MATN3: variants seen among roughly 807,000 people sequenced by gnomAD.
The protein encoded by MATN3 is matrilin-3.
MATN3 carries 48 observed loss-of-function variants against 45.3 expected under a neutral mutation model. The observed-to-expected ratio is 1.06, with a 90% CI of 0.84 to 1.35. The LOEUF (loss-of-function observed/expected upper bound fraction) is 1.35. MATN3 is among the 40% of genes most tolerant of loss of function. The pLI, the probability that MATN3 is intolerant of heterozygous loss-of-function variation, is 0.00. For missense variants in MATN3, 599 were observed against 628.0 expected (o/e 0.95, Z 0.49); for synonymous variants, 217 against 245.9 (o/e 0.88, Z 1.10).
chr2:20,002,974 TTATC>T (rs1259281036), intron 3 of MATN3, among the ~76,000 whole-genome samples, 183 bp downstream of exon 3: 1 of 152,140 alleles, frequency 6.6e-6, no homozygotes, highest in African/African-American at 2.4e-5. Context: ...ATAAGCTGAT[TTATC>T]TATCATTTCA....
In MATN3 at chr2:19,997,141, T is replaced by C. The variant is rs992072113; in HGVS notation, c.1287A>G (p.Thr429=). The change falls in exon 6 of 8, where the codon ACA becomes ACG. Residue 429 remains threonine, a synonymous_variant. Transcript: ENST00000407540. ...TAAAGGGCTGATCCTCACCTGAACA[T>C]GTTTTCTTGTCCTCATTTAAGGTGT... ...PGYTLNEDKK[T]CSATEEARRL... is the part of the protein sequence containing the mutation. 3.7e-6 allele frequency: 6 copies of C among 1,613,608 alleles called. No individual in the cohort carries two copies. Among genetic ancestry groups the C allele is most frequent in the Middle Eastern group, 1.6e-4 (1 of 6,082 alleles).
Position 20,002,055 on chromosome 2 carries a change from G to A in MATN3, c.942C>T (p.Thr314=). Residue 314 remains threonine (T), a synonymous_variant, in exon 4 of 8, where the codon ACC becomes ACT. Transcript: ENST00000407540. The stretch of plus-strand genomic sequence containing the variant: ...TCACACAGATGTGCTCACATCCGTG[G>A]GTGTTAAGAGCACACCTATCAAGAG... ...CSALDRCALN[T]HGCEHICVND... is the part of the protein sequence containing the mutation. 1.2e-5 allele frequency: 20 copies of A among 1,612,724 alleles called. No homozygotes were observed. Among genetic ancestry groups the A allele is most frequent in the Non-Finnish European group, 1.7e-5 (20 of 1,179,210 alleles).
rs756066766 is a variant in MATN3 at position 19,992,873 on chromosome 2, T to C, written c.*238A>G. The C allele has an allele frequency of 6.0e-5, 29 of 485,118 alleles. No homozygotes were observed. Among genetic ancestry groups the C allele is most frequent in the Non-Finnish European group, 1.0e-4 (29 of 278,318 alleles). 30.1% of individuals were successfully genotyped at this position (485,118 alleles called of 1,614,324 possible). On this transcript the variant is annotated 3_prime_UTR_variant, in exon 8 of 8. Coordinates refer to ENST00000407540, the MANE Select transcript of MATN3 (RefSeq NM_002381.5). Reference sequence around the variant, plus strand: ...CTATTTCCTACCAATCATTTCACAGTCATAACTTAGAGACACTAAAGTTTG... The same window carrying C: ...CTATTTCCTACCAATCATTTCACAGCCATAACTTAGAGACACTAAAGTTTG...
At chr2:20,007,284 T>C (rs1461642951) in intron 1 of MATN3, among the ~76,000 whole-genome samples, 1 of 151,910 alleles carries the variant, frequency 6.6e-6, no homozygotes, top group African/African-American at 2.4e-5. Context: ...ATCCCAACAC[T>C]GTGGGAGGCC....
chr2:20,011,621 A>C (rs1673220896), intron 1 of MATN3, among the ~76,000 whole-genome samples: 1 of 152,228 alleles, frequency 6.6e-6, no homozygotes, highest in South Asian at 2.1e-4. Flanking sequence ...TTGGAAATGA[A>C]GATACAATCT....
intron 5 of MATN3, among the ~76,000 whole-genome samples, chr2:19,998,621 G>C (rs1016730661): frequency 2.6e-5 from 4 of 152,058 alleles, no homozygotes; most frequent in African/African-American, 9.7e-5. Flanking sequence ...GCCAGGTGTG[G>C]TGGCATGTGC....
chr2:20,005,718 T>C (rs770303469), intron 2 of MATN3, 26 bp downstream of exon 2: 13 of 1,514,586 alleles, frequency 8.6e-6, no homozygotes, highest in South Asian at 1.2e-5. Flanking sequence ...TCCTTTCTAG[T>C]TGGAAGCAAA....
chr2:20,003,077 A>G (rs1572384210), intron 3 of MATN3, 84 bp downstream of exon 3: 1 of 1,521,126 alleles, frequency 6.6e-7, no homozygotes, highest in East Asian at 2.3e-5. Context: ...GGGGTCAGAG[A>G]GTCAAAGCAC....
At chr2:20,002,984 T>A (rs1286802296) in intron 3 of MATN3, among the ~76,000 whole-genome samples, 177 bp downstream of exon 3, 10 of 152,180 alleles carry the variant, frequency 6.6e-5, no homozygotes, top group Non-Finnish European at 1.3e-4. Flanking sequence ...TTATCTATCA[T>A]TTCACTTTTC....
At chr2:20,000,596 A>C (rs1672965939) in intron 4 of MATN3, 30 bp from the exon 5 acceptor site, 1 of 1,597,422 alleles carries the variant, frequency 6.3e-7, no homozygotes, top group African/African-American at 1.3e-5. Flanking sequence ...GAGAAAAGAA[A>C]TAGAAGGTGG....
Position 20,012,162 on chromosome 2 carries a change from G to A in MATN3, c.223+247C>T, listed in dbSNP as rs1673230140. On this transcript the variant is annotated intron_variant, in intron 1 of 7. Transcript: ENST00000407540. This position sits in a 1 kb window ranked among gnomAD's most constrained non-coding sequence, Gnocchi z 4.3. ...CCCCTGCGCTCCCCAGCTGCCCTGTGCTCCTGGCCGAATCACAGGGGAGTG... is the reference window on the plus strand; with the variant it reads ...CCCCTGCGCTCCCCAGCTGCCCTGTACTCCTGGCCGAATCACAGGGGAGTG... Among the ~76,000 whole-genome samples the A allele has an allele frequency of 6.6e-6, 1 of 152,220 alleles. No homozygotes were observed. Among genetic ancestry groups the A allele is most frequent in the Admixed American group, 6.5e-5 (1 of 15,290 alleles).
At chr2:19,993,537 A>T (rs1672799735) in intron 7 of MATN3, among the ~76,000 whole-genome samples, 1 of 152,326 alleles carries the variant, frequency 6.6e-6, no homozygotes, top group African/African-American at 2.4e-5. Context: ...ACCTTAGTAG[A>T]TCTAGGGTAA....
At position 19,995,121 on chromosome 2, in the gene MATN3, A is replaced by C. The variant is rs1250342936; in HGVS notation, c.1295-712T>G. Among the ~76,000 whole-genome samples, 1 of 151,808 alleles carries C rather than the reference A, an allele frequency of 6.6e-6. No homozygotes were observed. Among genetic ancestry groups the C allele is most frequent in the African/African-American group, 2.4e-5 (1 of 41,290 alleles). ...ATAAATAAATAAAAATAAAACTAGGACAATAGTCCTCTATTTGTATGGCTA... is the reference window on the plus strand; with the variant it reads ...ATAAATAAATAAAAATAAAACTAGGCCAATAGTCCTCTATTTGTATGGCTA... On this transcript the variant is annotated intron_variant, in intron 6 of 7. Transcript: ENST00000407540. The surrounding 1 kb of genome is among the most constrained non-coding windows in gnomAD (Gnocchi z 4.2).
rs968574580 is a variant in MATN3, at chr2:20,012,145, C to T, written c.223+264G>A. ...CAGCCGCTGGGCAGCAGCCCCTGCG[C>T]TCCCCAGCTGCCCTGTGCTCCTGGC... On this transcript the variant is annotated intron_variant, in intron 1 of 7. Transcript: ENST00000407540. The surrounding 1 kb of genome is among the most constrained non-coding windows in gnomAD (Gnocchi z 4.3). Among the ~76,000 whole-genome samples the T allele has an allele frequency of 1.3e-5, 2 of 152,226 alleles. No individual in the cohort carries two copies. The highest frequency in any genetic ancestry group is 4.8e-5 in the African/African-American group (2 of 41,464).
At chr2:20,006,638 C>T (rs1049974297) in intron 1 of MATN3, among the ~76,000 whole-genome samples, 2 of 152,210 alleles carry the variant, frequency 1.3e-5, no homozygotes, top group African/African-American at 4.8e-5. Context: ...TTAATAGATT[C>T]TACACATTTC....
intron 5 of MATN3, among the ~76,000 whole-genome samples, chr2:19,998,731 G>A (rs1194809941): frequency 6.6e-6 from 1 of 151,326 alleles, no homozygotes; most frequent in Admixed American, 6.6e-5. Flanking sequence ...ACTCCAGCCT[G>A]GGTGACAGAA....
chr2:20,007,112 G>A (rs1360827265), intron 1 of MATN3, among the ~76,000 whole-genome samples: 2 of 152,198 alleles, frequency 1.3e-5, no homozygotes, highest in Non-Finnish European at 2.9e-5. Flanking sequence ...GGAGACTGAG[G>A]CAGGAGAATG....
chr2:20,007,010 G>A (rs565241527), intron 1 of MATN3, among the ~76,000 whole-genome samples: 1 of 152,154 alleles, frequency 6.6e-6, no homozygotes, highest in Non-Finnish European at 1.5e-5. Context: ...GAGGTCAGGA[G>A]ATCAAGACCA....
At position 20,005,906 on chromosome 2, in the gene MATN3, C is replaced by G; in HGVS notation, c.628G>C (p.Ala210Pro). The change falls in exon 2 of 8, where the codon GCC (alanine) becomes CCC (proline). Residue 210 changes from alanine (A) to proline (P), a missense_variant. Transcript: ENST00000407540. ...QDQVNEVAAR[A>P]QASGIELYAV... ...TAGAGCTCAATACCAGATGCTTGGG[C>G]CCGAGCCGCCACCTCATTCACCTGG... The G allele has an allele frequency of 1.2e-6, 2 of 1,611,038 alleles. No homozygotes were observed. Among genetic ancestry groups the G allele is most frequent in the Non-Finnish European group, 1.7e-6 (2 of 1,178,718 alleles).
Sources: gnomAD v4.1 joint callset for allele counts (sites outside exome capture counted in the v4.1 genomes callset) on GRCh38, gnomAD v4.1.1 for gene constraint, Gnocchi (gnomAD v3.1) non-coding constraint, MANE v1.5 for transcripts, NCBI Gene and HGNC (gene_info 2026-07-23, HGNC 2026-07-21) for gene names.